The following PGM5 variants were observed in gnomAD, a reference collection of about 807,000 sequenced individuals.
PGM5 encodes phosphoglucomutase-like protein 5.
PGM5 carries 23 observed loss-of-function variants against 59.2 expected under a neutral mutation model. The ratio of observed to expected loss-of-function variants is 0.39; its 90% CI spans 0.28 to 0.55. The LOEUF (loss-of-function observed/expected upper bound fraction) is 0.55. Among genes scored for constraint, PGM5 ranks in the 20% least tolerant of loss-of-function variants. PGM5 has a pLI of 0.66. For missense variants in PGM5, 574 were observed against 748.3 expected (o/e 0.77, Z 2.72); for synonymous variants, 214 against 286.0 (o/e 0.75, Z 2.54).
chr9:68,453,315 T>G (rs986078881), intron 6 of PGM5, among the ~76,000 whole-genome samples: 1 of 152,196 alleles, frequency 6.6e-6, no homozygotes, highest in East Asian at 1.9e-4. Flanking sequence ...TCATCCACCA[T>G]CGCTTAATTT....
At chr9:68,373,942 T>G (rs1821807311) in intron 1 of PGM5, among the ~76,000 whole-genome samples, 1 of 152,348 alleles carries the variant, frequency 6.6e-6, no homozygotes, top group African/African-American at 2.4e-5. Context: ...TCTGATATCC[T>G]CAGCCTAGAA....
chr9:68,487,169 A>T (rs1824308958), intron 9 of PGM5, among the ~76,000 whole-genome samples: 2 of 152,090 alleles, frequency 1.3e-5, no homozygotes, highest in Non-Finnish European at 2.9e-5. Flanking sequence ...TCAGATAGAC[A>T]CAGGATTGAA....
At chr9:68,525,076 T>C (rs906364819) in intron 10 of PGM5, among the ~76,000 whole-genome samples, 1 of 152,026 alleles carries the variant, frequency 6.6e-6, no homozygotes, top group Non-Finnish European at 1.5e-5. Flanking sequence ...CCCAGGAAAA[T>C]TAACTCCCAC....
chr9:68,439,593 CAG>C (rs1172195570), intron 6 of PGM5, among the ~76,000 whole-genome samples: 34 of 148,106 alleles, frequency 2.3e-4, no homozygotes, highest in Non-Finnish European at 4.6e-4. Flanking sequence ...CACAACAGCT[CAG>C]AGTCTACCCC....
At chr9:68,520,221 T>G (rs1430320922) in intron 10 of PGM5, among the ~76,000 whole-genome samples, 2 of 151,864 alleles carry the variant, frequency 1.3e-5, no homozygotes, top group Non-Finnish European at 2.9e-5. Context: ...CTCTATTATT[T>G]CAGATAAAAT....
At position 68,376,896 on chromosome 9, in the gene PGM5, TTCTC is replaced by T. The variant is rs1404450731; in HGVS notation, c.262-1297_262-1294del. On this transcript the variant is annotated intron_variant, in intron 1 of 10. Coordinates refer to ENST00000396396, the MANE Select transcript of PGM5 (RefSeq NM_021965.4). ...TCTCTTTCTTTCTTTTTTTCTTTCTTTCTCTCTCTTTCTTTCTTTCTTTTTCTTT... is the reference window on the plus strand; with the variant it reads ...TCTCTTTCTTTCTTTTTTTCTTTCTTTCTCTTTCTTTCTTTCTTTTTCTTT... Among the ~76,000 whole-genome samples the T allele has an allele frequency of 1.6e-4, 19 of 118,272 alleles. 2 individuals are homozygous for T. The highest frequency in any genetic ancestry group is 1.2e-3 in the East Asian group (5 of 4,288). 77.6% of individuals were successfully genotyped at this position (118,272 alleles called of 152,430 possible).
intron 6 of PGM5, among the ~76,000 whole-genome samples, chr9:68,423,553 C>T (rs1469423908): frequency 2.0e-5 from 3 of 152,050 alleles, no homozygotes; most frequent in African/African-American, 4.8e-5. Context: ...GCATGCAGAG[C>T]TGACATTAGG....
intron 1 of PGM5, among the ~76,000 whole-genome samples, chr9:68,370,008 G>C (rs1198949595): frequency 6.6e-6 from 1 of 152,040 alleles, no homozygotes; most frequent in Non-Finnish European, 1.5e-5. Flanking sequence ...ACCCATGGCA[G>C]CTTGGCTTTG....
At chr9:68,499,478 G>A in intron 10 of PGM5, 117 bp downstream of exon 10, 1 of 1,088,310 alleles carries the variant, frequency 9.2e-7, no homozygotes, top group Non-Finnish European at 1.3e-6. Flanking sequence ...GATAATTTCA[G>A]CTGGAGGACA....
At chr9:68,436,392 C>T (rs556440898) in intron 6 of PGM5, among the ~76,000 whole-genome samples, 2 of 152,168 alleles carry the variant, frequency 1.3e-5, no homozygotes, top group African/African-American at 2.4e-5. Flanking sequence ...TCAAGATGAT[C>T]GTGGAAGTTA....
At chr9:68,407,265 A>C (rs1235447141) in intron 6 of PGM5, among the ~76,000 whole-genome samples, 7 of 152,034 alleles carry the variant, frequency 4.6e-5, no homozygotes, top group African/African-American at 1.4e-4. Flanking sequence ...GTAGCTGGGA[A>C]CACAGACATG....
At chr9:68,359,402 G>A (rs1554676076) in intron 1 of PGM5, among the ~76,000 whole-genome samples, 1 of 152,150 alleles carries the variant, frequency 6.6e-6, no homozygotes, top group Non-Finnish European at 1.5e-5. Context: ...GGGTGGGCAT[G>A]GGTGAAGGGA....
intron 6 of PGM5, chr9:68,394,247 T>A (rs1228489157): frequency 6.6e-6 from 1 of 152,184 alleles, no homozygotes; most frequent in Non-Finnish European, 1.5e-5. Context: ...ATATAAATTT[T>A]ACCTTATGAA....
chr9:68,408,540 T>C (rs1822863060), intron 6 of PGM5, among the ~76,000 whole-genome samples: 1 of 152,220 alleles, frequency 6.6e-6, no homozygotes, highest in Non-Finnish European at 1.5e-5. Flanking sequence ...TTCACTCTGA[T>C]GGTAGTTTCT....
chr9:68,368,565 T>A (rs1587771281), intron 1 of PGM5, among the ~76,000 whole-genome samples: 1 of 152,404 alleles, frequency 6.6e-6, no homozygotes, highest in Non-Finnish European at 1.5e-5. Flanking sequence ...AAAGACATCG[T>A]TGATATGTAA....
intron 6 of PGM5, among the ~76,000 whole-genome samples, chr9:68,446,736 G>C (rs781862951): frequency 6.6e-6 from 1 of 152,190 alleles, no homozygotes; most frequent in East Asian, 1.9e-4. Flanking sequence ...GTTGACATTC[G>C]AGAGAGGAAT....
chr9:68,442,708 G>T (rs1587811661), intron 6 of PGM5, among the ~76,000 whole-genome samples: 1 of 152,152 alleles, frequency 6.6e-6, no homozygotes, highest in Non-Finnish European at 1.5e-5. Context: ...TATTTAAAGA[G>T]TTAAAACAGT....
chr9:68,466,735 T>TGGGTACTGGAACTGGGGAA (rs1318664892), intron 7 of PGM5, among the ~76,000 whole-genome samples: 2 of 152,216 alleles, frequency 1.3e-5, no homozygotes, highest in Non-Finnish European at 2.9e-5. Flanking sequence ...ATATTTTTAC[T>TGGGTACTGGAACTGGGGAA]GGGTACTGGA....
chr9:68,370,249 G>A (rs1438515695), intron 1 of PGM5, among the ~76,000 whole-genome samples: 12 of 152,110 alleles, frequency 7.9e-5, no homozygotes, highest in Admixed American at 2.6e-4. Context: ...AGAGGATATT[G>A]GGGAATGTCA....
Sources: gnomAD v4.1 joint callset for allele counts (sites outside exome capture counted in the v4.1 genomes callset) on GRCh38, gnomAD v4.1.1 for gene constraint, MANE v1.5 for transcripts, NCBI Gene and HGNC (gene_info 2026-07-23, HGNC 2026-07-21) for gene names.